Variants in CALN1 observed in about 807,000 individuals in gnomAD.
CALN1 encodes calcium-binding protein 8.
Under a neutral mutation model 30.6 loss-of-function variants are expected in CALN1, and 17 were observed. That is an observed-to-expected ratio of 0.56 (90% CI 0.38 to 0.83). The LOEUF (loss-of-function observed/expected upper bound fraction) is 0.83, where lower values mean the gene tolerates loss of function less well. Ranked by LOEUF, CALN1 falls within the 40% of genes least tolerant of loss-of-function variation. The pLI is 0.00. For missense variants in CALN1, 291 were observed against 354.9 expected (o/e 0.82, Z 1.45); for synonymous variants, 156 against 131.4 (o/e 1.19, Z -1.28).
rs146139791 is a variant in CALN1 at position 72,111,382 on chromosome 7, A to T, written c.245-5088T>A. Among the ~76,000 whole-genome samples the T allele has an allele frequency of 4.6e-4, 70 of 152,334 alleles. 1 individual carries two copies. In the East Asian group the frequency reaches 0.013, roughly 28 times the overall value. On this transcript the variant is annotated intron_variant, in intron 3 of 6. Transcript: ENST00000395275. ...CCCTCCTCCCTAAAGGGAAGCAGAGAGTCTTGAGCCAAGCAAGGACTTGGA... is the reference window on the plus strand; with the variant it reads ...CCCTCCTCCCTAAAGGGAAGCAGAGTGTCTTGAGCCAAGCAAGGACTTGGA...
At chr7:72,091,326 G>A (rs994875303) in intron 4 of CALN1, among the ~76,000 whole-genome samples, 3 of 152,130 alleles carry the variant, frequency 2.0e-5, no homozygotes, top group Admixed American at 6.6e-5. Context: ...GTGAGACTCC[G>A]TCTCAAACAG....
intron 4 of CALN1, among the ~76,000 whole-genome samples, chr7:72,057,239 G>A: frequency 6.6e-6 from 1 of 152,156 alleles, no homozygotes; most frequent in East Asian, 1.9e-4. Context: ...GAGCCATGAA[G>A]CCTGGCCAGA....
intron 5 of CALN1, among the ~76,000 whole-genome samples, chr7:71,941,090 T>C (rs993226318): frequency 6.6e-6 from 1 of 152,162 alleles, no homozygotes. Context: ...CTCACGACTG[T>C]AATCCCAGCA....
chr7:71,843,176 T>C (rs1047958394), intron 5 of CALN1, among the ~76,000 whole-genome samples: 3 of 152,184 alleles, frequency 2.0e-5, no homozygotes, highest in Non-Finnish European at 4.4e-5. Flanking sequence ...AAGACACTTC[T>C]CCTTTCCCCT....
chr7:72,488,661 A>C, the CALN1 span, among the ~76,000 whole-genome samples: 9 of 152,128 alleles, frequency 5.9e-5, no homozygotes, highest in African/African-American at 2.2e-4. Context: ...CTTCAGGAAG[A>C]ATCACAGGCC....
At chr7:72,371,928 T>A (rs904621754) in intron 2 of CALN1, among the ~76,000 whole-genome samples, 1 of 152,168 alleles carries the variant, frequency 6.6e-6, no homozygotes, top group Admixed American at 6.5e-5. Context: ...TCTGAACATA[T>A]ACACTAACAG....
the CALN1 span, among the ~76,000 whole-genome samples, chr7:72,494,040 A>G: frequency 6.6e-6 from 1 of 152,128 alleles, no homozygotes; most frequent in Non-Finnish European, 1.5e-5. Context: ...AAAATGAAAA[A>G]ATAAGCTGGG....
intron 3 of CALN1, among the ~76,000 whole-genome samples, chr7:72,194,582 T>G: frequency 6.8e-6 from 1 of 147,354 alleles, no homozygotes; most frequent in Non-Finnish European, 1.5e-5. Flanking sequence ...GGGGATCTCC[T>G]AACTGGCCTC....
At chr7:71,929,690 A>G (rs149142701) in intron 5 of CALN1, among the ~76,000 whole-genome samples, 1,879 of 152,364 alleles carry the variant, frequency 0.012, 23 homozygotes, top group Middle Eastern at 0.041. Context: ...ATTGTGAACA[A>G]TGCAGCTATG....
intron 5 of CALN1, among the ~76,000 whole-genome samples, chr7:71,888,494 AC>A (rs1440719818): frequency 4.6e-5 from 7 of 150,804 alleles, no homozygotes; most frequent in Non-Finnish European, 8.8e-5. Context: ...AAACAAAAAA[AC>A]AAAACAAAAC....
rs138337370 is a variant in CALN1, at chr7:71,789,645, C to A, written c.659-1743G>T. On this transcript the variant is annotated intron_variant, in intron 6 of 6. Transcript: ENST00000395275. ...CAGGGTGTCCTGCCTCCAGATACCA[C>A]GGCCCCACAGGGTTTACTTTGGGTC... Among the ~76,000 whole-genome samples the A allele has an allele frequency of 2.0e-4, 30 of 152,244 alleles. No homozygotes were observed. In the East Asian group the frequency reaches 2.5e-3, roughly 13 times the overall value.
chr7:72,293,231 C>T (rs775173004), intron 2 of CALN1, among the ~76,000 whole-genome samples: 2 of 152,124 alleles, frequency 1.3e-5, no homozygotes, highest in Non-Finnish European at 2.9e-5. Context: ...ATGGCAGCAA[C>T]GTATTCCCAC....
chr7:72,178,400 A>C (rs1789520269), intron 3 of CALN1, among the ~76,000 whole-genome samples: 1 of 152,226 alleles, frequency 6.6e-6, no homozygotes, highest in Non-Finnish European at 1.5e-5. Flanking sequence ...TAACTAAAAA[A>C]GGGTTCCTTG....
intron 5 of CALN1, among the ~76,000 whole-genome samples, chr7:71,987,613 A>G (rs1798742035): frequency 6.6e-6 from 1 of 152,184 alleles, no homozygotes; most frequent in Non-Finnish European, 1.5e-5. Flanking sequence ...CGCAACCCCC[A>G]TGAGAGGGGA....
intron 4 of CALN1, among the ~76,000 whole-genome samples, chr7:72,053,458 T>C (rs1802970574): frequency 1.3e-5 from 2 of 152,212 alleles, no homozygotes; most frequent in Non-Finnish European, 1.5e-5. Context: ...ATGGCAGTTC[T>C]GTTTTTAGCT....
At chr7:72,204,153 TA>T (rs1271386733) in intron 3 of CALN1, among the ~76,000 whole-genome samples, 1 of 134,242 alleles carries the variant, frequency 7.4e-6, no homozygotes, top group Non-Finnish European at 1.5e-5. Context: ...CACACCTGGC[TA>T]ATTTTTTTTT....
Position 71,783,338 on chromosome 7 carries a change from A to G in CALN1, c.*4437T>C, listed in dbSNP as rs988873160. ...CTGTACCATCACGGTGATATAGGAA[A>G]AGGGGCCCTTCCTAGCAGGGGAATT... On this transcript the variant is annotated 3_prime_UTR_variant, in exon 7 of 7. Coordinates refer to ENST00000395275, the MANE Select transcript of CALN1 (RefSeq NM_031468.4). 3.3e-5 allele frequency: 5 copies of G among 152,182 alleles called. No homozygotes were observed. The highest frequency in any genetic ancestry group is 1.2e-4 in the African/African-American group (5 of 41,448). 9.4% of individuals were successfully genotyped at this position (152,182 alleles called of 1,614,324 possible).
At chr7:72,276,220 A>G (rs2129553865) in intron 3 of CALN1, among the ~76,000 whole-genome samples, 1 of 152,306 alleles carries the variant, frequency 6.6e-6, no homozygotes, top group African/African-American at 2.4e-5. Flanking sequence ...CTGATGACTG[A>G]GCCTGGAGGA....
intron 2 of CALN1, among the ~76,000 whole-genome samples, chr7:72,393,636 C>G (rs1366971747): frequency 6.6e-6 from 1 of 152,160 alleles, no homozygotes; most frequent in East Asian, 1.9e-4. Flanking sequence ...TGGGCCCCCC[C>G]CAGGCAAATG....
Sources: allele counts gnomAD v4.1 joint callset (sites outside exome capture counted in the v4.1 genomes callset), GRCh38; gene constraint gnomAD v4.1.1; transcripts MANE v1.5; gene names NCBI Gene and HGNC (gene_info 2026-07-23, HGNC 2026-07-21).